The following XXYLT1 variants were observed in gnomAD, a reference collection of about 807,000 sequenced individuals.
XXYLT1 encodes the protein UDP-xylose:alpha-xyloside alpha-1,3-xylosyltransferase.
Under a neutral mutation model 28.9 loss-of-function variants are expected in XXYLT1, and 20 were observed. That is an observed-to-expected ratio of 0.69 (90% CI 0.49 to 1.00). The LOEUF is 1.00. Ranked by LOEUF, XXYLT1 falls within the 50% of genes least tolerant of loss-of-function variation. The pLI is 0.00. For missense variants in XXYLT1, 542 were observed against 560.1 expected (o/e 0.97, Z 0.33); for synonymous variants, 257 against 253.8 (o/e 1.01, Z -0.12).
rs1293510298 is a variant in XXYLT1, at chr3:195,270,874, GC to G, written c.184del (p.Ala62LeufsTer12). 3 of 1,407,838 alleles carry G rather than the reference GC, an allele frequency of 2.1e-6. No individual in the cohort carries two copies. The highest frequency in any genetic ancestry group is 2.8e-6 in the Non-Finnish European group (3 of 1,084,892). The allele number at this position is 1,407,838 out of a possible 1,614,324, so 87.2% of individuals were successfully genotyped here. A position where few individuals can be genotyped will look rare whatever the true frequency, so the allele number is the denominator to read the frequency against. ...TKRLKEARAG[A>X]PAAPSPPALE... ...CGCGGGCGGCGAGGGCGCGGCGGGA[GC>G]CCCGGCGCGGGCCTCCTTCAGCCTC... is the stretch of plus-strand genomic sequence containing the variant. On this transcript the variant is annotated frameshift_variant, in exon 1 of 4. Transcript: ENST00000310380. LOFTEE classifies it high-confidence loss of function.
chr3:195,149,490 G>C (rs1267215850), intron 3 of XXYLT1, among the ~76,000 whole-genome samples: 1 of 152,194 alleles, frequency 6.6e-6, no homozygotes, highest in Non-Finnish European at 1.5e-5. Context: ...TTCACCCTCT[G>C]TGCAGCGTAG....
intron 2 of XXYLT1, among the ~76,000 whole-genome samples, chr3:195,217,716 A>G: frequency 6.6e-6 from 1 of 151,994 alleles, no homozygotes; most frequent in Non-Finnish European, 1.5e-5. Flanking sequence ...AAGAATCAAT[A>G]TCATGAAAAT....
At chr3:195,203,728 A>C (rs1722948926) in intron 2 of XXYLT1, among the ~76,000 whole-genome samples, 1 of 152,086 alleles carries the variant, frequency 6.6e-6, no homozygotes, top group South Asian at 2.1e-4. Flanking sequence ...TTTATTCCTC[A>C]CAGCCCCTTG....
intron 3 of XXYLT1, among the ~76,000 whole-genome samples, chr3:195,072,435 GAGGAGCAAACAGTGA>G: frequency 6.6e-6 from 1 of 152,274 alleles, no homozygotes; most frequent in Admixed American, 6.5e-5. Flanking sequence ...CTGCAGCAAG[GAGGAGCAAACAGTGA>G]ACTAGCACTG....
At chr3:195,087,886 G>A (rs1309163423) in intron 3 of XXYLT1, among the ~76,000 whole-genome samples, 1 of 151,900 alleles carries the variant, frequency 6.6e-6, no homozygotes, top group African/African-American at 2.4e-5. Context: ...CAAGGGGTCA[G>A]GGAGTTCCCT....
At chr3:195,155,786 CCTT>C (rs1462766214) in intron 3 of XXYLT1, among the ~76,000 whole-genome samples, 4 of 152,186 alleles carry the variant, frequency 2.6e-5, no homozygotes, top group Admixed American at 2.6e-4. Flanking sequence ...GGAGCCGTTC[CCTT>C]TTTTGCTGTT....
intron 3 of XXYLT1, 87 bp from the exon 4 acceptor site, chr3:195,070,198 A>G: frequency 4.8e-6 from 7 of 1,467,016 alleles, no homozygotes; most frequent in South Asian, 2.7e-5. Flanking sequence ...GCCAGCCTGC[A>G]TGCAAACACT....
rs1408744205 is a variant in XXYLT1 at position 195,195,811 on chromosome 3, C to T, written c.652+30898G>A. Among the ~76,000 whole-genome samples the T allele has an allele frequency of 6.6e-6, 1 of 152,190 alleles. No individual in the cohort carries two copies. Among genetic ancestry groups the T allele is most frequent in the East Asian group, 1.9e-4 (1 of 5,200 alleles). The stretch of plus-strand genomic sequence containing the variant: ...CTGGCCTGCAGGAGTTCAGCACCGC[C>T]AGCCACACCTGCCATGGTCTAGACA... On this transcript the variant is annotated intron_variant, in intron 2 of 3. Coordinates refer to ENST00000310380, the MANE Select transcript of XXYLT1 (RefSeq NM_152531.5). The surrounding 1 kb of genome is among the most constrained non-coding windows in gnomAD (Gnocchi z 4.4).
chr3:195,200,209 C>T (rs1399596349), intron 2 of XXYLT1, among the ~76,000 whole-genome samples: 2 of 152,174 alleles, frequency 1.3e-5, no homozygotes, highest in Non-Finnish European at 2.9e-5. Flanking sequence ...AGATCTGGCG[C>T]TCTGGAAAGC....
chr3:195,132,726 G>C (rs1227644948), intron 3 of XXYLT1, among the ~76,000 whole-genome samples: 1 of 152,188 alleles, frequency 6.6e-6, no homozygotes, highest in Non-Finnish European at 1.5e-5. Flanking sequence ...GGCTTACTTG[G>C]AGATTTGCAA....
chr3:195,088,155 G>T (rs570075559), intron 3 of XXYLT1, among the ~76,000 whole-genome samples: 49 of 112,254 alleles, frequency 4.4e-4, no homozygotes, highest in East Asian at 2.3e-3. Context: ...CAAAGCAGCC[G>T]GGAAGCTCGA....
chr3:195,207,571 G>C, intron 2 of XXYLT1: 1 of 433,638 alleles, frequency 2.3e-6, no homozygotes, highest in Non-Finnish European at 4.7e-6. Flanking sequence ...TTAGCCAAAG[G>C]TGCCGCCTCC....
In XXYLT1 at chr3:195,088,135, A is replaced by T. The variant is rs112758071; in HGVS notation, c.786-18024T>A. Among the ~76,000 whole-genome samples, 345 of 149,490 alleles carry T rather than the reference A, an allele frequency of 2.3e-3. 1 individual carries two copies. Among genetic ancestry groups the T allele is most frequent in the South Asian group, 3.2e-3 (15 of 4,720 alleles). ...GGGCGCCCGCCATTGCCCAGGCTTG[A>T]TTAGGTAAACAAAGCAGCCGGGAAG... is the stretch of plus-strand genomic sequence containing the variant. On this transcript the variant is annotated intron_variant, in intron 3 of 3. Transcript: ENST00000310380.
At chr3:195,191,277 A>C (rs1722408533) in intron 2 of XXYLT1, among the ~76,000 whole-genome samples, 1 of 152,176 alleles carries the variant, frequency 6.6e-6, no homozygotes, top group South Asian at 2.1e-4. Flanking sequence ...CTCAGAAAGA[A>C]GACCAATCCC....
In XXYLT1 at chr3:195,150,855, C is replaced by T. The variant is rs565420150; in HGVS notation, c.785+5594G>A. 1.3e-5 allele frequency among the ~76,000 whole-genome samples: 2 copies of T among 150,110 alleles called. No individual in the cohort carries two copies. Among genetic ancestry groups the T allele is most frequent in the Admixed American group, 1.3e-4 (2 of 15,200 alleles). On this transcript the variant is annotated intron_variant, in intron 3 of 3. Coordinates refer to ENST00000310380, the MANE Select transcript of XXYLT1 (RefSeq NM_152531.5). This position sits in a 1 kb window ranked among gnomAD's most constrained non-coding sequence, Gnocchi z 4.7. ...ATACGCACACTCTCTCACACACTCT[C>T]ACACACACACACACTCTCTCCCTCT...
intron 3 of XXYLT1, among the ~76,000 whole-genome samples, chr3:195,097,098 G>A (rs1244160203): frequency 6.6e-6 from 1 of 152,198 alleles, no homozygotes; most frequent in East Asian, 1.9e-4. Flanking sequence ...TTGTCTTGAA[G>A]AAAGGAACAA....
chr3:195,239,083 C>T (rs184888868), intron 1 of XXYLT1, among the ~76,000 whole-genome samples: 4 of 152,230 alleles, frequency 2.6e-5, no homozygotes, highest in Admixed American at 6.5e-5. Flanking sequence ...TTGTTCCAGA[C>T]GCTGTGCTGC....
intron 2 of XXYLT1, among the ~76,000 whole-genome samples, chr3:195,186,972 G>T (rs917171213): frequency 6.8e-6 from 1 of 147,694 alleles, no homozygotes; most frequent in Non-Finnish European, 1.5e-5. Flanking sequence ...TCGGCTCACC[G>T]CAACCTCCAC....
At chr3:195,264,897 G>A (rs1051795924) in intron 1 of XXYLT1, among the ~76,000 whole-genome samples, 7 of 151,938 alleles carry the variant, frequency 4.6e-5, no homozygotes, top group African/African-American at 1.7e-4. Flanking sequence ...CTACAAAACA[G>A]TTAAAAAAAA....
Sources: gnomAD v4.1 joint callset for allele counts (sites outside exome capture counted in the v4.1 genomes callset) on GRCh38, gnomAD v4.1.1 for gene constraint, Gnocchi (gnomAD v3.1) non-coding constraint, MANE v1.5 for transcripts, NCBI Gene and HGNC (gene_info 2026-07-23, HGNC 2026-07-21) for gene names.